Variants in GPC6 observed in about 807,000 individuals in gnomAD.
The protein encoded by GPC6 is glypican 6, also known as glypican-6.
GPC6 carries 14 observed loss-of-function variants against 55.2 expected under a neutral mutation model. The observed-to-expected ratio is 0.25, with a 90% CI of 0.17 to 0.40. The LOEUF is 0.40. Among genes scored for constraint, GPC6 ranks in the 10% least tolerant of loss-of-function variants. The pLI is 1.00. For missense variants in GPC6, 641 were observed against 708.5 expected, an observed-to-expected ratio of 0.90 and a Z score of 1.08; for synonymous variants, 278 against 259.6, an observed-to-expected ratio of 1.07 and a Z score of -0.68.
intron 3 of GPC6, among the ~76,000 whole-genome samples, chr13:93,969,385 T>G (rs1486535133): frequency 6.6e-6 from 1 of 152,212 alleles, no homozygotes; most frequent in Non-Finnish European, 1.5e-5. Context: ...GGATCCCAAC[T>G]GTGCTTAGCA....
At chr13:93,459,718 A>G (rs1253773640) in intron 1 of GPC6, among the ~76,000 whole-genome samples, 1 of 152,076 alleles carries the variant, frequency 6.6e-6, no homozygotes, top group East Asian at 1.9e-4. Context: ...ATCCTCCCCT[A>G]ATTTTTCATT....
chr13:94,146,803 C>T (rs544579), intron 4 of GPC6, among the ~76,000 whole-genome samples: 28 of 151,986 alleles, frequency 1.8e-4, no homozygotes, highest in African/African-American at 6.5e-4. Flanking sequence ...TGACCAGATC[C>T]GAAAGCATTT....
intron 2 of GPC6, among the ~76,000 whole-genome samples, chr13:93,587,224 A>G (rs1000742871): frequency 6.6e-6 from 1 of 151,958 alleles, no homozygotes; most frequent in Non-Finnish European, 1.5e-5. Flanking sequence ...ATTTAGGGAT[A>G]TTATTTACCC....
At chr13:94,243,969 G>A (rs999154480) in intron 4 of GPC6, among the ~76,000 whole-genome samples, 2 of 152,066 alleles carry the variant, frequency 1.3e-5, no homozygotes, top group African/African-American at 4.8e-5. Flanking sequence ...AAATGGATGC[G>A]ACTTCCATGA....
chr13:94,355,225 T>C (rs1456202725), intron 6 of GPC6, among the ~76,000 whole-genome samples: 1 of 152,054 alleles, frequency 6.6e-6, no homozygotes, highest in Non-Finnish European at 1.5e-5. Context: ...GGTTTCACCA[T>C]TTGGTCAGGC....
chr13:93,228,326 G>C (rs991913365), intron 1 of GPC6, among the ~76,000 whole-genome samples: 1 of 152,154 alleles, frequency 6.6e-6, no homozygotes, highest in Admixed American at 6.5e-5. Context: ...GGCCACTCAG[G>C]GCCCGGGGAC....
At chr13:93,790,276 G>A (rs571635659) in intron 2 of GPC6, among the ~76,000 whole-genome samples, 2 of 152,136 alleles carry the variant, frequency 1.3e-5, no homozygotes, top group Non-Finnish European at 2.9e-5. Flanking sequence ...TTGAGGAGTT[G>A]TTTCCCAATG....
chr13:94,188,781 C>T (rs1594038715), intron 4 of GPC6, among the ~76,000 whole-genome samples: 1 of 151,996 alleles, frequency 6.6e-6, no homozygotes, highest in African/African-American at 2.4e-5. Flanking sequence ...AGCTGGTGAC[C>T]GATTTGTTAT....
chr13:94,174,377 G>A (rs1024353437), intron 4 of GPC6, among the ~76,000 whole-genome samples: 2 of 152,070 alleles, frequency 1.3e-5, no homozygotes, highest in Non-Finnish European at 2.9e-5. Context: ...GTAAATCAAT[G>A]GAGTTAGAGG....
chr13:93,912,554 T>C (rs181193366), intron 3 of GPC6, among the ~76,000 whole-genome samples: 2,790 of 152,068 alleles, frequency 0.018, 94 homozygotes, highest in African/African-American at 0.063. Flanking sequence ...CCATCCTGGC[T>C]AACACGGTGA....
intron 1 of GPC6, among the ~76,000 whole-genome samples, chr13:93,276,006 C>G (rs1222689260): frequency 3.3e-5 from 5 of 152,242 alleles, no homozygotes; most frequent in Non-Finnish European, 7.3e-5. Flanking sequence ...TCCCGAGTAG[C>G]TGGGACTACA....
chr13:94,132,615 G>C (rs77828308), intron 4 of GPC6, among the ~76,000 whole-genome samples: 1,626 of 152,226 alleles, frequency 0.011, 31 homozygotes, highest in African/African-American at 0.037. Flanking sequence ...AGCCTCCTGG[G>C]TCTTTAATAG....
chr13:93,536,377 A>G (rs1311905662), intron 1 of GPC6, among the ~76,000 whole-genome samples: 1 of 152,092 alleles, frequency 6.6e-6, no homozygotes, highest in Non-Finnish European at 1.5e-5. Context: ...ATAATCGTTT[A>G]ACAGTAACTC....
intron 3 of GPC6, among the ~76,000 whole-genome samples, chr13:93,836,854 A>C (rs970436850): frequency 1.3e-5 from 2 of 152,194 alleles, no homozygotes; most frequent in Non-Finnish European, 2.9e-5. Flanking sequence ...TACTGTGCTA[A>C]GCACTAGAAA....
At position 94,091,813 on chromosome 13, in the gene GPC6, A is replaced by G. The variant is rs766366250; in HGVS notation, c.877+63919A>G. Reference sequence around the variant, plus strand: ...ATAGAGTCACTAAAATGAAAAGAACATAAGAGTCATAACCCCTTTTAATTC... The same window carrying G: ...ATAGAGTCACTAAAATGAAAAGAACGTAAGAGTCATAACCCCTTTTAATTC... On this transcript the variant is annotated intron_variant, in intron 4 of 8. Transcript: ENST00000377047. Among the ~76,000 whole-genome samples, 8 of 152,152 alleles carry G rather than the reference A, an allele frequency of 5.3e-5. No homozygotes were observed. In the East Asian group the frequency reaches 5.8e-4, roughly 11 times the overall value.
chr13:94,181,181 C>A (rs1888981369), intron 4 of GPC6, among the ~76,000 whole-genome samples: 1 of 152,164 alleles, frequency 6.6e-6, no homozygotes. Context: ...GGGTGGAGAC[C>A]TAAAACATCA....
chr13:94,374,665 CA>C (rs1879750832), intron 6 of GPC6, among the ~76,000 whole-genome samples: 2 of 151,528 alleles, frequency 1.3e-5, no homozygotes, highest in Admixed American at 1.3e-4. Context: ...GACAGAAAGT[CA>C]ACAAGGAAAC....
intron 4 of GPC6, among the ~76,000 whole-genome samples, chr13:94,087,598 A>G (rs1306498794): frequency 6.6e-6 from 1 of 152,244 alleles, no homozygotes; most frequent in Non-Finnish European, 1.5e-5. Flanking sequence ...CAGGCTATTG[A>G]TAAAGATAAT....
intron 3 of GPC6, among the ~76,000 whole-genome samples, chr13:93,931,866 C>G (rs1878196898): frequency 6.6e-6 from 1 of 151,760 alleles, no homozygotes; most frequent in South Asian, 2.1e-4. Flanking sequence ...TTCACTGTAG[C>G]CCTCTGAGAC....
Sources: gnomAD v4.1 joint callset for allele counts (sites outside exome capture counted in the v4.1 genomes callset) on GRCh38, gnomAD v4.1.1 for gene constraint, MANE v1.5 for transcripts, NCBI Gene and HGNC (gene_info 2026-07-23, HGNC 2026-07-21) for gene names.